The following ADAMTSL1 variants were observed in gnomAD, a reference collection of about 807,000 sequenced individuals.
ADAMTSL1 encodes the protein ADAMTS like 1, also known as ADAMTS-like protein 1.
Under a neutral mutation model 201.8 loss-of-function variants are expected in ADAMTSL1, and 126 were observed. The observed-to-expected ratio is 0.62, with a 90% CI of 0.54 to 0.72. The LOEUF is 0.72. Among genes scored for constraint, ADAMTSL1 ranks in the 30% least tolerant of loss-of-function variants. ADAMTSL1 has a pLI of 0.00. For missense variants in ADAMTSL1, 2,679 were observed against 2,277.8 expected (o/e 1.18, Z -3.59); for synonymous variants, 1,121 against 903.4 (o/e 1.24, Z -4.32).
chr9:18,314,736 T>C (rs182512017), intron 2 of ADAMTSL1, among the ~76,000 whole-genome samples: 168 of 139,528 alleles, frequency 1.2e-3, no homozygotes, highest in Middle Eastern at 4.3e-3. Flanking sequence ...TTCCACAGCG[T>C]GGAAGGGGAC....
chr9:18,358,367 A>G (rs571237684), intron 2 of ADAMTSL1, among the ~76,000 whole-genome samples: 2 of 152,184 alleles, frequency 1.3e-5, no homozygotes, highest in Non-Finnish European at 1.5e-5. Context: ...GCATTTTTTT[A>G]TAGAGATAAA....
intron 21 of ADAMTSL1, among the ~76,000 whole-genome samples, chr9:18,822,340 C>T (rs1824261566): frequency 6.6e-6 from 1 of 152,240 alleles, no homozygotes; most frequent in Admixed American, 6.5e-5. Flanking sequence ...TGGAACCTCT[C>T]TCCTGACAAC....
chr9:18,453,603 C>G (rs1285975344), intron 2 of ADAMTSL1, among the ~76,000 whole-genome samples: 1 of 151,954 alleles, frequency 6.6e-6, no homozygotes, highest in Non-Finnish European at 1.5e-5. Flanking sequence ...TTACTTTATT[C>G]AATTAAAATT....
chr9:17,999,814 C>A (rs1286268897), intron 1 of ADAMTSL1, among the ~76,000 whole-genome samples: 1 of 148,746 alleles, frequency 6.7e-6, no homozygotes, highest in South Asian at 2.2e-4. Context: ...TCCATGTGAT[C>A]TCATTGTTCA....
chr9:18,723,051 C>T (rs1564182976), intron 15 of ADAMTSL1: 2 of 779,908 alleles, frequency 2.6e-6, no homozygotes, highest in South Asian at 1.3e-5. Flanking sequence ...ACGCCTGCAA[C>T]GTTCTTTGTT....
At chr9:18,505,075 A>G (rs973160820) in intron 2 of ADAMTSL1, 119 bp downstream of exon 2, 14 of 1,274,680 alleles carry the variant, frequency 1.1e-5, no homozygotes, top group African/African-American at 1.5e-5. Flanking sequence ...ATAAAAGAAA[A>G]GAATTAAAGG....
chr9:18,387,510 A>C (rs1837852362), intron 2 of ADAMTSL1, among the ~76,000 whole-genome samples: 1 of 152,110 alleles, frequency 6.6e-6, no homozygotes, highest in African/African-American at 2.4e-5. Flanking sequence ...AGGCATCTAT[A>C]AATCATATAT....
chr9:18,894,432 A>G (rs1271990116), intron 26 of ADAMTSL1, among the ~76,000 whole-genome samples: 1 of 151,396 alleles, frequency 6.6e-6, no homozygotes, highest in Non-Finnish European at 1.5e-5. Flanking sequence ...GAGAAACCTA[A>G]TCTAGGTGAG....
intron 2 of ADAMTSL1, among the ~76,000 whole-genome samples, chr9:18,329,870 G>T (rs765120033): frequency 6.6e-6 from 1 of 152,216 alleles, no homozygotes; most frequent in Non-Finnish European, 1.5e-5. Context: ...TGCATATGCA[G>T]TGGCTAGCAG....
intron 2 of ADAMTSL1, among the ~76,000 whole-genome samples, chr9:18,238,604 A>G (rs1830939839): frequency 6.6e-6 from 1 of 152,220 alleles, no homozygotes; most frequent in Non-Finnish European, 1.5e-5. Context: ...TGTAATAGGC[A>G]CCAAAAAAAT....
At chr9:18,253,374 A>T (rs1831543912) in intron 2 of ADAMTSL1, among the ~76,000 whole-genome samples, 1 of 152,240 alleles carries the variant, frequency 6.6e-6, no homozygotes, top group Non-Finnish European at 1.5e-5. Context: ...AACAATGATC[A>T]TATATTAGTT....
At chr9:18,400,449 G>A (rs898531112) in intron 2 of ADAMTSL1, among the ~76,000 whole-genome samples, 5 of 152,244 alleles carry the variant, frequency 3.3e-5, no homozygotes, top group African/African-American at 1.2e-4. Flanking sequence ...AAACTTGGAA[G>A]GCCTTTACTA....
chr9:18,526,124 TC>T (rs1293142743), intron 2 of ADAMTSL1, among the ~76,000 whole-genome samples: 1 of 152,232 alleles, frequency 6.6e-6, no homozygotes, highest in Non-Finnish European at 1.5e-5. Context: ...ATCTGGGTGC[TC>T]CTGTGTTGGC....
intron 1 of ADAMTSL1, among the ~76,000 whole-genome samples, chr9:18,105,591 A>T (rs1434568497): frequency 6.6e-6 from 1 of 152,162 alleles, no homozygotes; most frequent in East Asian, 1.9e-4. Context: ...TGTAGTGGAG[A>T]AATCACATAG....
Position 18,773,932 on chromosome 9 carries a change from A to G in ADAMTSL1, c.2398-1811A>G, listed in dbSNP as rs146491197. ...GAACCCATAATTTTCAGACTATAAA[A>G]GCAATGGGTTTGATTCTCACCACTA... On this transcript the variant is annotated intron_variant, in intron 17 of 28. Transcript: ENST00000380548. 3.3e-5 allele frequency among the ~76,000 whole-genome samples: 5 copies of G among 152,350 alleles called. No homozygotes were observed. In the East Asian group the frequency reaches 9.6e-4, roughly 29 times the overall value.
intron 1 of ADAMTSL1, among the ~76,000 whole-genome samples, chr9:18,122,592 T>G (rs1825548620): frequency 6.6e-6 from 1 of 152,182 alleles, no homozygotes; most frequent in Non-Finnish European, 1.5e-5. Flanking sequence ...GTGGTTTTTT[T>G]GAAGAACATT....
intron 1 of ADAMTSL1, among the ~76,000 whole-genome samples, chr9:17,981,067 G>C (rs1011508335): frequency 5.3e-5 from 8 of 152,184 alleles, no homozygotes; most frequent in African/African-American, 1.9e-4. Flanking sequence ...CCATGATCCA[G>C]ATACTTCCCG....
chr9:18,694,430 A>T (rs1831425304), intron 13 of ADAMTSL1, among the ~76,000 whole-genome samples: 1 of 152,194 alleles, frequency 6.6e-6, no homozygotes, highest in South Asian at 2.1e-4. Flanking sequence ...CTGTAAAATA[A>T]AAAACAAGTT....
intron 2 of ADAMTSL1, among the ~76,000 whole-genome samples, chr9:18,358,486 C>T (rs1024064935): frequency 1.3e-5 from 2 of 152,080 alleles, no homozygotes; most frequent in East Asian, 1.9e-4. Context: ...TTCCATTATT[C>T]CAAAGAGAAA....
Sources: gnomAD v4.1 joint callset for allele counts (sites outside exome capture counted in the v4.1 genomes callset) on GRCh38, gnomAD v4.1.1 for gene constraint, MANE v1.5 for transcripts, NCBI Gene and HGNC (gene_info 2026-07-23, HGNC 2026-07-21) for gene names.